The following ASXL1 variants were observed in gnomAD, a reference collection of about 807,000 sequenced individuals.
The protein encoded by ASXL1 is polycomb group protein ASXL1.
In ASXL1, 65 loss-of-function variants were observed where a neutral mutation model predicts 89.1. The observed-to-expected ratio is 0.73, with a 90% CI of 0.60 to 0.90. The LOEUF (loss-of-function observed/expected upper bound fraction) is 0.90, where lower values mean the gene tolerates loss of function less well. ASXL1 is among the 40% of genes least tolerant of loss of function. ASXL1 has a pLI of 0.00. For missense variants in ASXL1, 1,786 were observed against 1,942.9 expected (o/e 0.92, Z 1.52); for synonymous variants, 739 against 746.9 (o/e 0.99, Z 0.17).
intron 4 of ASXL1, among the ~76,000 whole-genome samples, chr20:32,374,892 T>A (rs1051018122): frequency 6.6e-6 from 1 of 152,220 alleles, no homozygotes. Context: ...TTGAAAAATT[T>A]CAAACCTATA....
intron 4 of ASXL1, among the ~76,000 whole-genome samples, chr20:32,407,539 C>T (rs892293550): frequency 1.3e-5 from 2 of 152,136 alleles, no homozygotes; most frequent in Non-Finnish European, 2.9e-5. Context: ...CACAACTCAC[C>T]GCAGCCTCAA....
chr20:32,421,577 C>G (rs2049250662), intron 4 of ASXL1, among the ~76,000 whole-genome samples: 1 of 152,036 alleles, frequency 6.6e-6, no homozygotes, highest in South Asian at 2.1e-4. Flanking sequence ...TTCATAATAG[C>G]TTTATTCATA....
chr20:32,415,136 G>C (rs1209929795), intron 4 of ASXL1, among the ~76,000 whole-genome samples: 2 of 152,010 alleles, frequency 1.3e-5, no homozygotes, highest in Admixed American at 6.6e-5. Context: ...AGCCTCCCTA[G>C]TAGCTGGGAT....
chr20:32,417,859 A>G (rs1284152493), intron 4 of ASXL1, among the ~76,000 whole-genome samples: 67 of 152,088 alleles, frequency 4.4e-4, no homozygotes, highest in Non-Finnish European at 4.4e-5. Context: ...CCTGGGCAAT[A>G]TGGCAAGAAC....
rs759066149 is a variant in ASXL1 at position 32,436,023 on chromosome 20, C to G, written c.3311C>G (p.Thr1104Ser). The G allele has an allele frequency of 1.7e-5, 28 of 1,614,196 alleles. No homozygotes were observed. The South Asian group carries it at 3.1e-4, about 18-fold the overall frequency. Residue 1104 changes from threonine to serine, a missense_variant, in exon 13 of 13, where the codon ACT becomes AGT. By Grantham distance (58) the Thr-to-Ser change is moderately conservative (BLOSUM62 1). Transcript: ENST00000375687. ...ATGCCTGGGTCCTCAGTGGAGGCCA[C>G]TAACCCACTTGTGATGCAGTTGCTG... The part of the protein sequence containing the change: ...LSMPGSSVEA[T>S]NPLVMQLLQG...
Position 32,435,101 on chromosome 20 carries a change from G to T in ASXL1, c.2389G>T (p.Glu797Ter). The T allele has an allele frequency of 6.2e-7, 1 of 1,613,944 alleles. No individual in the cohort carries two copies. The highest frequency in any genetic ancestry group is 8.5e-7 in the Non-Finnish European group (1 of 1,180,020). ...ATGTGAGTCTGGCACCACTTCCTGGGAAAGTGATGATGAGGAGCAAGGACC... is the reference window on the plus strand; with the variant it reads ...ATGTGAGTCTGGCACCACTTCCTGGTAAAGTGATGATGAGGAGCAAGGACC... Reference protein sequence around the residue: ...TECESGTTSWESDDEEQGPTV... With the variant: ...TECESGTTSW The change falls in exon 13 of 13, where the codon GAA (glutamate) becomes TAA (stop). Residue 797 changes from glutamate (E) to a stop codon, truncating the protein, a stop_gained. Transcript: ENST00000375687. LOFTEE classifies it low-confidence loss of function (END_TRUNC).
rs2145367406 is a variant in ASXL1 at position 32,435,146 on chromosome 20, G to A, written c.2434G>A (p.Gly812Ser). ...EQGPTVPADNGPIPSLVGDDT... is the reference protein window; with the variant it reads ...EQGPTVPADNSPIPSLVGDDT... ...AGGACCCACCGTTCCTGCAGACAATGGTCCCATTCCGTCTCTAGTGGGAGA... is the reference window on the plus strand; with the variant it reads ...AGGACCCACCGTTCCTGCAGACAATAGTCCCATTCCGTCTCTAGTGGGAGA... The change falls in exon 13 of 13, where the codon GGT (glycine) becomes AGT (serine). Residue 812 changes from glycine (G) to serine (S), a missense_variant. Coordinates refer to ENST00000375687, the MANE Select transcript of ASXL1 (RefSeq NM_015338.6). 6.2e-7 allele frequency: 1 copy of A among 1,613,926 alleles called. No individual in the cohort carries two copies.
chr20:32,420,706 A>G (rs1190318551), intron 4 of ASXL1, among the ~76,000 whole-genome samples: 1 of 152,174 alleles, frequency 6.6e-6, no homozygotes, highest in African/African-American at 2.4e-5. Flanking sequence ...AATGTTCAAA[A>G]TGTATTTGTA....
At chr20:32,428,769 T>C (rs1213300396) in intron 6 of ASXL1, 267 of 300,988 alleles carry the variant, frequency 8.9e-4, no homozygotes, top group Non-Finnish European at 1.5e-3. Context: ...CAAGCAATTC[T>C]CCTGCCTCAG....
chr20:32,437,004 C>T lies in ASXL1; in HGVS notation c.4292C>T (p.Pro1431Leu). The T allele has an allele frequency of 5.0e-6, 8 of 1,614,102 alleles. No homozygotes were observed. Among genetic ancestry groups the T allele is most frequent in the Non-Finnish European group, 6.8e-6 (8 of 1,180,026 alleles). ...LSEPLEPSSL[P>L]SQLSIKQAFY... ...GAGCCTCTGGAGCCTTCTTCTCTCC[C>T]CTCCCAACTCAGCATCAAGCAGGCA... The change falls in exon 13 of 13, where the codon CCC becomes CTC. Residue 1431 changes from proline (P) to leucine (L), a missense_variant. Physicochemically the swap from Pro to Leu is moderately conservative, Grantham distance 98. This residue lies in a region of ASXL1 where 1,418 missense variants were observed against 1,427.8 expected (regional missense o/e 0.99). Coordinates refer to ENST00000375687, the MANE Select transcript of ASXL1 (RefSeq NM_015338.6).
At chr20:32,368,286 C>T (rs533125487) in intron 3 of ASXL1, among the ~76,000 whole-genome samples, 1 of 152,118 alleles carries the variant, frequency 6.6e-6, no homozygotes, top group Admixed American at 6.6e-5. Context: ...AAGTAGCATC[C>T]TTTGCACTGA....
At chr20:32,418,562 C>T (rs565230706) in intron 4 of ASXL1, among the ~76,000 whole-genome samples, 2 of 152,192 alleles carry the variant, frequency 1.3e-5, no homozygotes, top group African/African-American at 4.8e-5. Flanking sequence ...ATAATATTTC[C>T]ATCACCCCAA....
intron 4 of ASXL1, among the ~76,000 whole-genome samples, chr20:32,423,424 A>G (rs2011192082): frequency 6.6e-6 from 1 of 151,458 alleles, no homozygotes; most frequent in Non-Finnish European, 1.5e-5. Flanking sequence ...TATATTTAGT[A>G]GGGGGGGTTT....
chr20:32,412,594 ATTTT>A (rs377498376), intron 4 of ASXL1, among the ~76,000 whole-genome samples: 1 of 137,564 alleles, frequency 7.3e-6, no homozygotes. Flanking sequence ...AAAGAAATAA[ATTTT>A]TTTTTTTTTT....
intron 4 of ASXL1, among the ~76,000 whole-genome samples, chr20:32,407,345 G>A (rs1414659795): frequency 6.6e-6 from 1 of 151,684 alleles, no homozygotes; most frequent in East Asian, 1.9e-4. Context: ...CTCCGTCTCG[G>A]GGGGAAAAAA....
chr20:32,369,898 T>C (rs1344877948), intron 4 of ASXL1, among the ~76,000 whole-genome samples: 1 of 151,618 alleles, frequency 6.6e-6, no homozygotes, highest in Non-Finnish European at 1.5e-5. Context: ...TTTTTGTATT[T>C]TTAGTAGAGA....
chr20:32,428,691 G>A (rs940033278), intron 6 of ASXL1: 26 of 340,570 alleles, frequency 7.6e-5, no homozygotes, highest in South Asian at 2.2e-4. Context: ...AGATGGAGTC[G>A]CGCCTGTCGC....
chr20:32,396,783 C>G (rs2048769146), intron 4 of ASXL1, among the ~76,000 whole-genome samples: 1 of 152,042 alleles, frequency 6.6e-6, no homozygotes, highest in African/African-American at 2.4e-5. Flanking sequence ...TGAGCTCAAA[C>G]TCTCATTCTC....
intron 4 of ASXL1, among the ~76,000 whole-genome samples, chr20:32,414,757 G>C (rs1310211927): frequency 1.3e-5 from 2 of 152,170 alleles, no homozygotes; most frequent in Non-Finnish European, 2.9e-5. Context: ...TTTATTGGCT[G>C]TGATAGAGGG....
Sources: allele counts gnomAD v4.1 joint callset (sites outside exome capture counted in the v4.1 genomes callset), GRCh38; gene constraint gnomAD v4.1.1; regional missense constraint gnomAD v4.1.1; transcripts MANE v1.5; gene names NCBI Gene and HGNC (gene_info 2026-07-23, HGNC 2026-07-21).